The following COL4A6 variants were observed in gnomAD, a reference collection of about 807,000 sequenced individuals.
COL4A6 encodes the protein collagen alpha-6(IV) chain.
A neutral mutation model predicts 126.7 loss-of-function variants in COL4A6; 59 were observed. That is an observed-to-expected ratio of 0.47 (90% CI 0.38 to 0.58). COL4A6 has a LOEUF of 0.58. Ranked by LOEUF, COL4A6 falls within the 20% of genes least tolerant of loss-of-function variation. The pLI, the probability that COL4A6 is intolerant of heterozygous loss-of-function variation, is 0.00. For synonymous variants in COL4A6, 547 were observed against 496.6 expected (o/e 1.10, Z -1.35); for missense variants, 1,285 against 1,337.3 (o/e 0.96, Z 0.61).
chrX:108,187,262 G>T lies in COL4A6; in HGVS notation c.1785C>A (p.Gly595=). ...CAGGTAACCCCTTTTCACCTGGGAA[G>T]CCCTGTCCACCATCACCCTAGACAA... ...LPGLPGDGGQ[G]FPGEKGLPGL... The change falls in exon 23 of 45, where the codon GGC becomes GGA. Residue 595 remains glycine, a synonymous_variant. Coordinates refer to ENST00000334504, the MANE Select transcript of COL4A6 (RefSeq NM_033641.4). The T allele has an allele frequency of 1.7e-6, 2 of 1,164,195 alleles. No homozygotes were observed. The highest frequency in any genetic ancestry group is 4.7e-5 in the Admixed American group (2 of 42,274).
chrX:108,161,846 A>G, intron 41 of COL4A6, 111 bp from the exon 42 acceptor site: 1 of 505,452 alleles, frequency 2.0e-6, no homozygotes, highest in South Asian at 2.9e-5. Context: ...GAGACGATGC[A>G]CTTGGCTGTC....
At chrX:108,175,593 A>G in intron 29 of COL4A6, 61 bp downstream of exon 29, 1 of 1,118,596 alleles carries the variant, frequency 8.9e-7, no homozygotes, top group South Asian at 2.1e-5. Context: ...CAAGTCAACA[A>G]ACAAAATATA....
At chrX:108,302,210 C>A (rs1603047052) in intron 3 of COL4A6, among the ~76,000 whole-genome samples, 1 of 110,994 alleles carries the variant, frequency 9.0e-6, no homozygotes, top group South Asian at 3.8e-4. Flanking sequence ...ATGAAACACA[C>A]AATAAATAAA....
chrX:108,267,137 A>T (rs1246235223), intron 3 of COL4A6, among the ~76,000 whole-genome samples: 1 of 111,365 alleles, frequency 9.0e-6, no homozygotes, highest in African/African-American at 3.3e-5. Context: ...GTATCCCTTG[A>T]CTTGTGGCCT....
chrX:108,436,740 A>T (rs2064274905), intron 2 of COL4A6, among the ~76,000 whole-genome samples: 1 of 112,022 alleles, frequency 8.9e-6, no homozygotes, highest in African/African-American at 3.2e-5. Flanking sequence ...AAGGGGTCAC[A>T]AGATGTTGGT....
chrX:108,439,331 T>C, upstream of COL4A6: 1 of 740,554 alleles, frequency 1.4e-6, no homozygotes. Flanking sequence ...ACATAAAGTA[T>C]TCACGCACAT....
At chrX:108,194,710 T>C (rs2035156380) in intron 15 of COL4A6, 123 bp from the exon 16 acceptor site, 2 of 665,951 alleles carry the variant, frequency 3.0e-6, no homozygotes, top group Non-Finnish European at 4.6e-6. Context: ...TATATGTGGC[T>C]TCTATCTGAC....
At position 108,204,441 on chromosome X, in the gene COL4A6, A is replaced by G. The variant is rs183306437; in HGVS notation, c.688-29T>C. 1.5e-5 allele frequency: 17 copies of G among 1,135,787 alleles called. No individual in the cohort carries two copies. The African/African-American group carries it at 2.9e-4, about 20-fold the overall frequency. 93.6% of individuals were successfully genotyped at this position (1,135,787 alleles called of 1,213,427 possible). On this transcript the variant is annotated intron_variant, in intron 11 of 44. Coordinates refer to ENST00000334504, the MANE Select transcript of COL4A6 (RefSeq NM_033641.4). The stretch of plus-strand genomic sequence containing the variant: ...TAAGATCAAATGGAACATTAAGCAA[A>G]GTGACAATCACACCGACCGTTTTTC...
Position 108,252,318 on chromosome X carries a change from CT to C in COL4A6, c.145-30945del, listed in dbSNP as rs751383210. 1.0e-3 allele frequency among the ~76,000 whole-genome samples: 114 copies of C among 111,864 alleles called. 5 individuals are homozygous for C. The East Asian group carries it at 0.031, about 31-fold the overall frequency. Reference sequence around the variant, plus strand: ...TTGTCACAAATAACAGAATTTCATTCTTTTTTATGGCTGAATAATATTCTGT... The same window carrying C: ...TTGTCACAAATAACAGAATTTCATTCTTTTTATGGCTGAATAATATTCTGT... On this transcript the variant is annotated intron_variant, in intron 3 of 44. Coordinates refer to ENST00000334504, the MANE Select transcript of COL4A6 (RefSeq NM_033641.4).
At chrX:108,383,976 T>A (rs201896210) in intron 2 of COL4A6, 446 of 977,417 alleles carry the variant, frequency 4.6e-4, no homozygotes, top group Middle Eastern at 6.4e-4. Flanking sequence ...TGCAAAGTGG[T>A]GAAGATGGGA....
chrX:108,352,387 T>C (rs2039865756), intron 2 of COL4A6, among the ~76,000 whole-genome samples: 1 of 112,632 alleles, frequency 8.9e-6, no homozygotes, highest in Admixed American at 9.4e-5. Context: ...TTTCACAGAA[T>C]CCTAGTGACA....
At chrX:108,433,592 C>A (rs1180325219) in intron 2 of COL4A6, among the ~76,000 whole-genome samples, 2 of 109,101 alleles carry the variant, frequency 1.8e-5, no homozygotes, top group Non-Finnish European at 3.8e-5. Context: ...GGCATGATCT[C>A]AGCTCACCTG....
chrX:108,320,083 C>G (rs1038646907), intron 2 of COL4A6, among the ~76,000 whole-genome samples: 11 of 111,830 alleles, frequency 9.8e-5, no homozygotes, highest in Admixed American at 1.9e-4. Flanking sequence ...CAGACATTCT[C>G]TTCAACATAC....
At chrX:108,383,416 C>A in intron 2 of COL4A6, 1 of 495,019 alleles carries the variant, frequency 2.0e-6, no homozygotes, top group Non-Finnish European at 3.8e-6. Flanking sequence ...CATCCTCAAC[C>A]CTGATGGCTT....
At chrX:108,428,937 A>C (rs990575195) in intron 2 of COL4A6, among the ~76,000 whole-genome samples, 3 of 112,291 alleles carry the variant, frequency 2.7e-5, no homozygotes, top group Non-Finnish European at 5.6e-5. Flanking sequence ...TATAGCAATC[A>C]TACTCCTGGA....
rs2033712328 is a variant in COL4A6 at position 108,155,686 on chromosome X, CAAT to C, written c.*1311_*1313del. ...CTTATTACTCAGGAGGTAAAGATAA[CAAT>C]AATTCAGATTATATTGATTATGCTT... On this transcript the variant is annotated 3_prime_UTR_variant, in exon 45 of 45. Transcript: ENST00000334504. The C allele has an allele frequency of 8.9e-6, 1 of 112,055 alleles. No homozygotes were observed. Among genetic ancestry groups the C allele is most frequent in the South Asian group, 3.7e-4 (1 of 2,678 alleles). The allele number at this position is 112,055 out of a possible 1,213,427, so 9.2% of individuals were successfully genotyped here.
chrX:108,341,325 G>C (rs1245768269), intron 2 of COL4A6, among the ~76,000 whole-genome samples: 1 of 110,875 alleles, frequency 9.0e-6, no homozygotes, highest in African/African-American at 3.3e-5. Context: ...TGTATGGTTT[G>C]GCTGTGTCCC....
chrX:108,439,431 C>G (rs2064340864), upstream of COL4A6: 1 of 621,126 alleles, frequency 1.6e-6, no homozygotes, highest in Non-Finnish European at 2.3e-6. Context: ...ACTCTCTGTT[C>G]TGTGAGCAGC....
intron 2 of COL4A6, among the ~76,000 whole-genome samples, chrX:108,361,986 A>G (rs1417931522): frequency 1.8e-5 from 2 of 111,601 alleles, no homozygotes; most frequent in African/African-American, 6.5e-5. Context: ...CCTAGATCTA[A>G]CATTAAGTAG....
Sources: allele counts gnomAD v4.1 joint callset (sites outside exome capture counted in the v4.1 genomes callset), GRCh38; gene constraint gnomAD v4.1.1; transcripts MANE v1.5; gene names NCBI Gene and HGNC (gene_info 2026-07-23, HGNC 2026-07-21).